PCM1: variants seen among roughly 807,000 people sequenced by gnomAD.
The protein encoded by PCM1 is pericentriolar material 1 protein.
A neutral mutation model predicts 241.9 loss-of-function variants in PCM1; 157 were observed. That is an observed-to-expected ratio of 0.65 (90% CI 0.57 to 0.74). PCM1 has a LOEUF of 0.74. Among genes scored for constraint, PCM1 ranks in the 30% least tolerant of loss-of-function variants. PCM1 has a pLI of 0.00. For missense variants in PCM1, 3,478 were observed against 2,360.1 expected (o/e 1.47, Z -9.81); for synonymous variants, 1,085 against 784.9 (o/e 1.38, Z -6.39).
intron 9 of PCM1, among the ~76,000 whole-genome samples, chr8:17,953,832 A>G (rs976471261): frequency 1.4e-5 from 2 of 144,486 alleles, no homozygotes; most frequent in African/African-American, 5.3e-5. Flanking sequence ...CTCATATCCA[A>G]ATAGTAATAG....
At chr8:17,967,305 CT>C (rs71304948) in intron 21 of PCM1, 135 bp downstream of exon 21, 36,905 of 494,680 alleles carry the variant, frequency 0.075, 8 homozygotes, top group South Asian at 0.1. Context: ...GTTACAAACT[CT>C]TTTTTTTTTT....
At chr8:17,969,366 G>A in intron 21 of PCM1, 1 of 459,094 alleles carries the variant, frequency 2.2e-6, no homozygotes, top group East Asian at 4.1e-5. Context: ...TTAAGGGAGT[G>A]GGGATTATTA....
chr8:17,935,801 A>G, intron 3 of PCM1, 95 bp downstream of exon 3: 1 of 658,204 alleles, frequency 1.5e-6, no homozygotes, highest in South Asian at 1.8e-5. Context: ...TGCTCTTTGT[A>G]TACACTTGCT....
rs578076746 is a variant in PCM1 at position 17,983,476 on chromosome 8, T to C, written c.4109-1971T>C. Among the ~76,000 whole-genome samples, 10 of 152,320 alleles carry C rather than the reference T, an allele frequency of 6.6e-5. No homozygotes were observed. The South Asian group carries it at 1.2e-3, about 19-fold the overall frequency. On this transcript the variant is annotated intron_variant, in intron 24 of 38. Transcript: ENST00000325083. ...CATTCATTTATAATTCTTGGTAAAA[T>C]TTGCTGCTTTTGTTTTCATATTCTG...
intron 36 of PCM1, among the ~76,000 whole-genome samples, chr8:18,019,549 T>C (rs2129487605): frequency 6.6e-6 from 1 of 152,238 alleles, no homozygotes; most frequent in Non-Finnish European, 1.5e-5. Context: ...TGGTCATATC[T>C]GGGGATGATG....
chr8:17,935,967 A>G (rs1309610876), intron 3 of PCM1, among the ~76,000 whole-genome samples: 3 of 152,182 alleles, frequency 2.0e-5, no homozygotes, highest in Non-Finnish European at 4.4e-5. Flanking sequence ...GCTGGGTTTT[A>G]GGAAGGGATT....
In PCM1 at chr8:17,963,205, A is replaced by G. The variant is rs6991775; in HGVS notation, c.2568A>G (p.Leu856=). 1 of 1,613,540 alleles carries G rather than the reference A, an allele frequency of 6.2e-7. No homozygotes were observed. The highest frequency in any genetic ancestry group is 2.2e-5 in the East Asian group (1 of 44,838). The change falls in exon 17 of 39, where the codon CTA becomes CTG. Residue 856 remains leucine (L), a synonymous_variant. Transcript: ENST00000325083. ...CTGAACATCAGAGGAGGCAAGGTCT[A>G]GCTGAAACTGCATCTCCAGTGGCTG... The part of the protein sequence containing the change: ...LMAEHQRRQG[L]AETASPVAVS...
chr8:18,022,188 G>A (rs903204828), intron 36 of PCM1, among the ~76,000 whole-genome samples: 1 of 152,088 alleles, frequency 6.6e-6, no homozygotes, highest in Non-Finnish European at 1.5e-5. Context: ...CAACCTATAG[G>A]TGACTTAAAG....
chr8:17,964,550 A>G lies in PCM1; in HGVS notation c.2655-18A>G. 1.3e-6 allele frequency: 2 copies of G among 1,595,704 alleles called. No homozygotes were observed. Among genetic ancestry groups the G allele is most frequent in the Non-Finnish European group, 1.7e-6 (2 of 1,166,946 alleles). ...TTATCTCCAGAATGACATCTGTTTTATGTCTCTTAATCACTAGAACGATGG... is the reference window on the plus strand; with the variant it reads ...TTATCTCCAGAATGACATCTGTTTTGTGTCTCTTAATCACTAGAACGATGG... On this transcript the variant is annotated intron_variant, in intron 17 of 38. Transcript: ENST00000325083.
At chr8:18,026,446 G>C (rs1480361993) in intron 38 of PCM1, among the ~76,000 whole-genome samples, 1 of 150,890 alleles carries the variant, frequency 6.6e-6, no homozygotes, top group Non-Finnish European at 1.5e-5. Flanking sequence ...TTTTTAAGTA[G>C]AGACGGGGTT....
At position 17,953,560 on chromosome 8, in the gene PCM1, C is replaced by T. The variant is rs116216752; in HGVS notation, c.1288+374C>T. Among the ~76,000 whole-genome samples the T allele has an allele frequency of 8.5e-3, 1,285 of 151,704 alleles. 21 individuals carry two copies. The highest frequency in any genetic ancestry group is 0.029 in the African/African-American group (1,213 of 41,384). On this transcript the variant is annotated intron_variant, in intron 9 of 38. Transcript: ENST00000325083. The stretch of plus-strand genomic sequence containing the variant: ...CCAGTTAGTACTTTGATTTAAAAAC[C>T]CAAAACTGTGAAACATAGTGTGTAT...
intron 13 of PCM1, 133 bp from the exon 14 acceptor site, chr8:17,959,881 G>A: frequency 1.4e-6 from 1 of 734,160 alleles, no homozygotes; most frequent in Non-Finnish European, 2.2e-6. Flanking sequence ...GTGTACACAT[G>A]TATACAAACG....
chr8:17,960,527 G>GTTTTTGTTTTTT (rs1371772356), intron 15 of PCM1, 83 bp downstream of exon 15: 172 of 412,968 alleles, frequency 4.2e-4, no homozygotes, highest in East Asian at 3.9e-3. Flanking sequence ...TTTTGTTTTT[G>GTTTTTGTTTTTT]TTTTTCTTTT....
chr8:17,953,576 T>G (rs968059868), intron 9 of PCM1, among the ~76,000 whole-genome samples: 73 of 152,156 alleles, frequency 4.8e-4, no homozygotes, highest in East Asian at 1.9e-4. Flanking sequence ...CTGTGAAACA[T>G]AGTGTGTATT....
chr8:17,967,068 C>T lies in PCM1; in HGVS notation c.3310C>T (p.His1104Tyr), dbSNP rs376477200. 121 of 1,609,242 alleles carry T rather than the reference C, an allele frequency of 7.5e-5. No individual in the cohort carries two copies. In the African/African-American group the frequency reaches 1.1e-3, roughly 15 times the overall value. Residue 1104 changes from histidine to tyrosine, a missense_variant, in exon 21 of 39, where the codon CAC becomes TAC. Coordinates refer to ENST00000325083, the MANE Select transcript of PCM1 (RefSeq NM_006197.4). ...CAAGGAAAGAGGCAGTAGTGCATCG[C>T]ACCCTCCTTCTCCCAGTTTATTTTG... ...GGKERGSSAS[H>Y]PPSPSLFCPF...
chr8:17,955,872 C>G (rs2068140711), intron 10 of PCM1: 1 of 548,528 alleles, frequency 1.8e-6, no homozygotes, highest in African/African-American at 1.9e-5. Flanking sequence ...ATGTTACTTT[C>G]TTGTTTTTCA....
intron 21 of PCM1, 81 bp downstream of exon 21, chr8:17,967,251 T>A: frequency 1.0e-6 from 1 of 968,754 alleles, no homozygotes; most frequent in Non-Finnish European, 1.5e-6. Flanking sequence ...CTAGATGTTT[T>A]AACATTTTCT....
chr8:17,995,319 G>C (rs1033250345), intron 29 of PCM1, among the ~76,000 whole-genome samples: 1 of 151,274 alleles, frequency 6.6e-6, no homozygotes, highest in Non-Finnish European at 1.5e-5. Flanking sequence ...TGGCACCTTT[G>C]TTGAAAATGA....
rs757315990 is a variant in PCM1 at position 18,006,268 on chromosome 8, C to T, written c.4833C>T (p.His1611=). Residue 1611 remains histidine, a synonymous_variant, in exon 30 of 39, where the codon CAC becomes CAT. Coordinates refer to ENST00000325083, the MANE Select transcript of PCM1 (RefSeq NM_006197.4). ...MKEVIPFLKE[H]MDEVCSSQLL... is the part of the protein sequence containing the mutation. ...CCAACTAGGATTTTTCTCAGGAGCA[C>T]ATGGATGAAGTATGCTCCTCGCAGC... is the stretch of plus-strand genomic sequence containing the variant. The T allele has an allele frequency of 5.6e-6, 9 of 1,604,546 alleles. No homozygotes were observed. The highest frequency in any genetic ancestry group is 7.7e-6 in the Non-Finnish European group (9 of 1,174,734).
Sources: allele counts gnomAD v4.1 joint callset (sites outside exome capture counted in the v4.1 genomes callset), GRCh38; gene constraint gnomAD v4.1.1; transcripts MANE v1.5; gene names NCBI Gene and HGNC (gene_info 2026-07-23, HGNC 2026-07-21).